The following LARS2 variants were observed in gnomAD, a reference collection of about 807,000 sequenced individuals.
LARS2 encodes leucine--tRNA ligase, mitochondrial.
A neutral mutation model predicts 116.6 loss-of-function variants in LARS2; 81 were observed. That is an observed-to-expected ratio of 0.69 (90% CI 0.58 to 0.84). The LOEUF (loss-of-function observed/expected upper bound fraction) is 0.84, where lower values mean the gene tolerates loss of function less well. Ranked by LOEUF, LARS2 falls within the 40% of genes least tolerant of loss-of-function variation. LARS2 has a pLI of 0.00. For missense variants in LARS2, 968 were observed against 1,114.5 expected, an observed-to-expected ratio of 0.87 and a Z score of 1.87; for synonymous variants, 396 against 407.2, an observed-to-expected ratio of 0.97 and a Z score of 0.33.
intron 15 of LARS2, among the ~76,000 whole-genome samples, chr3:45,511,549 T>C (rs1700289698): frequency 6.6e-6 from 1 of 151,972 alleles, no homozygotes; most frequent in Non-Finnish European, 1.5e-5. Context: ...CTTTTCAATA[T>C]GTGTGCTATA....
At position 45,520,175 on chromosome 3, in the gene LARS2, A is replaced by G. The variant is rs1700430373; in HGVS notation, c.2215-44A>G. On this transcript the variant is annotated intron_variant, in intron 18 of 21. Coordinates refer to ENST00000645846, the MANE Select transcript of LARS2 (RefSeq NM_015340.4). ...AATTCAGTCTTTTTGTGGAAAGCTTAAAAGAATTTTGAAATAAGTAAATAA... is the reference window on the plus strand; with the variant it reads ...AATTCAGTCTTTTTGTGGAAAGCTTGAAAGAATTTTGAAATAAGTAAATAA... 8 of 1,405,144 alleles carry G rather than the reference A, an allele frequency of 5.7e-6. No individual in the cohort carries two copies. The East Asian group carries it at 1.1e-4, about 20-fold the overall frequency. 87.0% of individuals were successfully genotyped at this position (1,405,144 alleles called of 1,614,324 possible).
At chr3:45,497,178 C>T (rs1339658741) in intron 14 of LARS2, among the ~76,000 whole-genome samples, 3 of 151,262 alleles carry the variant, frequency 2.0e-5, no homozygotes, top group African/African-American at 7.3e-5. Context: ...TTAAAAGTGG[C>T]TAAGAGACAG....
Position 45,491,517 on chromosome 3 carries a change from T to C in LARS2, c.1240T>C (p.Phe414Leu). ...GTERLSSSAEFTGMTRQDAFL... is the reference protein window; with the variant it reads ...GTERLSSSAELTGMTRQDAFL... ...GAGCTTTCTTTTCTTTCCCTGTCAG[T>C]TCACAGGTATGACCCGGCAGGATGC... Residue 414 changes from phenylalanine to leucine, a missense_variant and splice_region_variant, in exon 13 of 22, where the codon TTC (phenylalanine) becomes CTC (leucine). Phe to Leu is a conservative substitution (Grantham distance 22, BLOSUM62 0). Coordinates refer to ENST00000645846, the MANE Select transcript of LARS2 (RefSeq NM_015340.4). The C allele has an allele frequency of 6.2e-7, 1 of 1,613,618 alleles. No individual in the cohort carries two copies. Among genetic ancestry groups the C allele is most frequent in the East Asian group, 2.2e-5 (1 of 44,854 alleles).
chr3:45,456,449 G>C (rs1050458336), intron 7 of LARS2, among the ~76,000 whole-genome samples: 1 of 152,148 alleles, frequency 6.6e-6, no homozygotes, highest in African/African-American at 2.4e-5. Context: ...TGGGCGTGGT[G>C]GTGGGCGCCT....
chr3:45,489,987 C>A (rs912203411), intron 12 of LARS2, among the ~76,000 whole-genome samples: 11 of 152,234 alleles, frequency 7.2e-5, no homozygotes, highest in African/African-American at 2.6e-4. Context: ...ACCTGAAGAT[C>A]CAAGTTTTTC....
chr3:45,407,846 A>G (rs375608739), intron 4 of LARS2, among the ~76,000 whole-genome samples: 9 of 152,236 alleles, frequency 5.9e-5, no homozygotes, highest in African/African-American at 1.9e-4. Flanking sequence ...CTGGGAAGGC[A>G]GATGACCAGC....
At chr3:45,416,331 CAG>C (rs1491385186) in intron 4 of LARS2, among the ~76,000 whole-genome samples, 1 of 148,852 alleles carries the variant, frequency 6.7e-6, no homozygotes, top group African/African-American at 2.5e-5. Flanking sequence ...TTGCCTCAAT[CAG>C]GGGAGAGAGA....
intron 13 of LARS2, chr3:45,495,291 G>C (rs1005660827): frequency 6.6e-6 from 1 of 152,142 alleles, no homozygotes; most frequent in Admixed American, 6.5e-5. Context: ...TTTGGAGGGG[G>C]GTCCTGATTT....
At chr3:45,459,716 T>C (rs1269693901) in intron 8 of LARS2, among the ~76,000 whole-genome samples, 1 of 152,144 alleles carries the variant, frequency 6.6e-6, no homozygotes, top group Non-Finnish European at 1.5e-5. Flanking sequence ...AGTTGAGGGG[T>C]CACTCCCTGA....
chr3:45,542,199 T>C (rs1700809641), intron 21 of LARS2, among the ~76,000 whole-genome samples: 1 of 152,162 alleles, frequency 6.6e-6, no homozygotes, highest in Non-Finnish European at 1.5e-5. Flanking sequence ...CTCAAGTGCT[T>C]GGAAAGGGGA....
In LARS2 at chr3:45,522,376, C is replaced by T. The variant is rs185998157; in HGVS notation, c.2293-1621C>T. Among the ~76,000 whole-genome samples the T allele has an allele frequency of 2.9e-3, 448 of 152,324 alleles. 3 individuals are homozygous for T. Among genetic ancestry groups the T allele is most frequent in the South Asian group, 5.0e-3 (24 of 4,832 alleles). On this transcript the variant is annotated intron_variant, in intron 19 of 21. Transcript: ENST00000645846. The stretch of plus-strand genomic sequence containing the variant: ...GAAAGGAATGTGCCACCACCATTAA[C>T]CTCATGTCTTGAAGAATACTTAATA...
At chr3:45,455,864 G>A (rs536600309) in intron 7 of LARS2, among the ~76,000 whole-genome samples, 24 of 152,194 alleles carry the variant, frequency 1.6e-4, no homozygotes, top group Non-Finnish European at 3.2e-4. Context: ...GAATCTAGAA[G>A]ACAGTGTGCT....
intron 6 of LARS2, among the ~76,000 whole-genome samples, chr3:45,439,518 C>A (rs1698869757): frequency 6.6e-6 from 1 of 152,028 alleles, no homozygotes; most frequent in Non-Finnish European, 1.5e-5. Context: ...CGCGCCCAGC[C>A]AACTCTGGCA....
intron 10 of LARS2, among the ~76,000 whole-genome samples, chr3:45,477,079 C>A (rs187353996): frequency 1.4e-4 from 21 of 152,308 alleles, no homozygotes; most frequent in African/African-American, 5.1e-4. Flanking sequence ...TTAAAGAATT[C>A]ATGTGGTCAT....
chr3:45,488,292 G>C (rs1699850247), intron 11 of LARS2, among the ~76,000 whole-genome samples: 2 of 152,066 alleles, frequency 1.3e-5, no homozygotes, highest in Non-Finnish European at 2.9e-5. Flanking sequence ...AATTAGCCAG[G>C]CATGGTAGCG....
At chr3:45,430,742 G>C (rs549492521) in intron 6 of LARS2, among the ~76,000 whole-genome samples, 1 of 144,420 alleles carries the variant, frequency 6.9e-6, no homozygotes, top group Non-Finnish European at 1.5e-5. Flanking sequence ...CCGCCACCAC[G>C]CCGGACTAAT....
At chr3:45,420,266 G>A (rs1177270327) in intron 6 of LARS2, among the ~76,000 whole-genome samples, 1 of 152,200 alleles carries the variant, frequency 6.6e-6, no homozygotes, top group African/African-American at 2.4e-5. Flanking sequence ...AAGCCACCTG[G>A]CTGTTTGGAA....
intron 14 of LARS2, among the ~76,000 whole-genome samples, chr3:45,497,226 G>GT (rs1700028130): frequency 6.6e-6 from 1 of 151,920 alleles, no homozygotes; most frequent in African/African-American, 2.4e-5. Flanking sequence ...GGAGACCACT[G>GT]TTTTTCATTG....
chr3:45,515,833 T>C (rs1179817130), intron 16 of LARS2, among the ~76,000 whole-genome samples: 1 of 152,262 alleles, frequency 6.6e-6, no homozygotes, highest in Non-Finnish European at 1.5e-5. Flanking sequence ...TTTTGTTTTA[T>C]AGAAAAAGCT....
Sources: gnomAD v4.1 joint callset for allele counts (sites outside exome capture counted in the v4.1 genomes callset) on GRCh38, gnomAD v4.1.1 for gene constraint, MANE v1.5 for transcripts, NCBI Gene and HGNC (gene_info 2026-07-23, HGNC 2026-07-21) for gene names.